The following XCR1 variants were observed in gnomAD, a reference collection of about 807,000 sequenced individuals.
The protein encoded by XCR1 is chemokine XC receptor 1.
For missense variants in XCR1, 356 were observed against 424.2 expected (o/e 0.84, Z 1.41); for synonymous variants, 187 against 188.5 (o/e 0.99, Z 0.06).
At chr3:46,047,431 T>A (rs1575423443) in intron 5 of XCR1, among the ~76,000 whole-genome samples, 1 of 152,356 alleles carries the variant, frequency 6.6e-6, no homozygotes, top group Middle Eastern at 3.4e-3. Flanking sequence ...TGGCAAGATT[T>A]ACAGGTCAAT....
intron 1 of XCR1, among the ~76,000 whole-genome samples, chr3:46,077,948 G>A (rs188209214): frequency 7.5e-4 from 114 of 152,182 alleles, no homozygotes; most frequent in Non-Finnish European, 1.5e-3. Flanking sequence ...GAAGGAAAGG[G>A]GCAAAGACTG....
chr3:46,034,245 T>C (rs1278757506), intron 5 of XCR1, among the ~76,000 whole-genome samples: 1 of 152,202 alleles, frequency 6.6e-6, no homozygotes, highest in Non-Finnish European at 1.5e-5. Context: ...GTGCTGGGAT[T>C]ACAGGTGTGA....
At chr3:46,026,946 C>T (rs1172615310) in intron 1 of XCR1, among the ~76,000 whole-genome samples, 2 of 150,912 alleles carry the variant, frequency 1.3e-5, no homozygotes, top group African/African-American at 4.9e-5. Flanking sequence ...TGCTGGAATG[C>T]AGTGGTGTGA....
At chr3:46,041,398 T>C (rs1697534795) in intron 5 of XCR1, among the ~76,000 whole-genome samples, 1 of 152,144 alleles carries the variant, frequency 6.6e-6, no homozygotes, top group African/African-American at 2.4e-5. Flanking sequence ...GGTAAATTGG[T>C]CCTGCTATGA....
At chr3:46,059,396 G>A (rs2036296) in intron 4 of XCR1, among the ~76,000 whole-genome samples, 13,875 of 152,122 alleles carry the variant, frequency 0.091, 2,154 homozygotes, top group African/African-American at 0.32. Flanking sequence ...AGAACTTGGA[G>A]CATTGCACTT....
At chr3:46,049,392 G>A (rs981072824) in intron 5 of XCR1, among the ~76,000 whole-genome samples, 3 of 152,194 alleles carry the variant, frequency 2.0e-5, no homozygotes, top group Admixed American at 2.0e-4. Flanking sequence ...CAGTTTGTCT[G>A]CTTTCTCATT....
intron 5 of XCR1, among the ~76,000 whole-genome samples, chr3:46,039,755 A>C (rs1435002771): frequency 6.6e-6 from 1 of 152,200 alleles, no homozygotes; most frequent in African/African-American, 2.4e-5. Context: ...ACTATTGTAG[A>C]AGAGGTAGGT....
intron 5 of XCR1, among the ~76,000 whole-genome samples, chr3:46,050,333 A>G (rs1394123631): frequency 6.6e-6 from 1 of 152,190 alleles, no homozygotes; most frequent in Non-Finnish European, 1.5e-5. Context: ...TAGCCAGTTA[A>G]TATCTCCTAA....
At chr3:46,076,578 A>AG (rs1491563893) in intron 2 of XCR1, among the ~76,000 whole-genome samples, 51 of 31,786 alleles carry the variant, frequency 1.6e-3, no homozygotes, top group Admixed American at 3.6e-3. Context: ...CATTATTTTG[A>AG]AAAAAAAAAA....
intron 5 of XCR1, among the ~76,000 whole-genome samples, chr3:46,035,550 C>A (rs1697414227): frequency 6.6e-6 from 1 of 152,190 alleles, no homozygotes; most frequent in Non-Finnish European, 1.5e-5. Context: ...CTCAAAAGCC[C>A]TCCTAAGCAG....
upstream of XCR1, chr3:46,027,558 G>T (rs1383612985): frequency 7.2e-6 from 1 of 139,082 alleles, no homozygotes; most frequent in African/African-American, 2.4e-5. Context: ...AGAGCCAGGG[G>T]GCCAGAGGGG....
At chr3:46,066,755 G>A (rs9824886) in intron 4 of XCR1, among the ~76,000 whole-genome samples, 76,933 of 152,194 alleles carry the variant, frequency 0.51, 23,259 homozygotes, top group African/African-American at 0.86. Flanking sequence ...GTTAGACCAC[G>A]GGGGTTTAAA....
In XCR1 at chr3:46,082,408, T is replaced by TACACAC. The variant is rs34278810; in HGVS notation, c.-515+3380_-515+3385dup. 6.8e-5 allele frequency among the ~76,000 whole-genome samples: 10 copies of TACACAC among 146,190 alleles called. No homozygotes were observed. The South Asian group carries it at 2.2e-3, about 32-fold the overall frequency. ...ATTTATATGTGCATATATACATGCA[T>TACACAC]ACACACACACACACACACACATATA... On this transcript the variant is annotated intron_variant, in intron 1 of 5. Coordinates refer to the XCR1 transcript ENST00000683768.
At chr3:46,040,377 C>T (rs1031800878) in intron 5 of XCR1, among the ~76,000 whole-genome samples, 3 of 152,014 alleles carry the variant, frequency 2.0e-5, no homozygotes, top group Non-Finnish European at 4.4e-5. Context: ...GTCTTTTTGA[C>T]CTCAAACTAA....
intron 3 of XCR1, among the ~76,000 whole-genome samples, chr3:46,073,156 A>G (rs1698191134): frequency 6.6e-6 from 1 of 152,214 alleles, no homozygotes; most frequent in Non-Finnish European, 1.5e-5. Flanking sequence ...AAGACTCAAA[A>G]CTATAAAAAT....
intron 1 of XCR1, among the ~76,000 whole-genome samples, chr3:46,022,598 T>C (rs1405954982): frequency 6.6e-6 from 1 of 152,276 alleles, no homozygotes; most frequent in African/African-American, 2.4e-5. Context: ...ATTCCCATCA[T>C]GGCCTGAACT....
rs989207903 is a variant in XCR1, at chr3:46,019,020, G to A, written c.*1926C>T. On this transcript the variant is annotated 3_prime_UTR_variant, in exon 2 of 2. Transcript: ENST00000309285. The stretch of plus-strand genomic sequence containing the variant: ...GCCCAGGTCTTTGTGGCATGGCAAA[G>A]TTTAGAGAGTGGCTTTTATTTATGC... 3 of 152,206 alleles carry A rather than the reference G, an allele frequency of 2.0e-5. No individual in the cohort carries two copies. Among genetic ancestry groups the A allele is most frequent in the African/African-American group, 4.8e-5 (2 of 41,446 alleles). The allele number at this position is 152,206 out of a possible 1,614,324, so 9.4% of individuals were successfully genotyped here. A position where few individuals can be genotyped will look rare whatever the true frequency, so the allele number is the denominator to read the frequency against.
intron 4 of XCR1, among the ~76,000 whole-genome samples, chr3:46,055,505 C>A (rs1157151687): frequency 6.6e-6 from 1 of 152,210 alleles, no homozygotes; most frequent in Non-Finnish European, 1.5e-5. Context: ...TTTGACCAGT[C>A]AACAGTCTCC....
Position 46,040,198 on chromosome 3 carries a change from A to T in XCR1, c.-32+13722T>A, listed in dbSNP as rs1371273906. ...TGCCTTTTTTATTAGGTCTTACTGT[A>T]TAGGAAACGGACTCCTCTTTATCAA... On this transcript the variant is annotated intron_variant, in intron 5 of 5. Coordinates refer to the XCR1 transcript ENST00000683768. 7.2e-5 allele frequency among the ~76,000 whole-genome samples: 11 copies of T among 152,320 alleles called. No homozygotes were observed. The South Asian group carries it at 2.1e-3, about 29-fold the overall frequency.
Sources: allele counts gnomAD v4.1 joint callset (sites outside exome capture counted in the v4.1 genomes callset), GRCh38; gene constraint gnomAD v4.1.1; transcripts MANE v1.5; gene names NCBI Gene and HGNC (gene_info 2026-07-23, HGNC 2026-07-21).